ATAT1: variants seen among roughly 807,000 people sequenced by gnomAD.
The protein encoded by ATAT1 is alpha tubulin acetyltransferase 1.
In ATAT1, 42 loss-of-function variants were observed where a neutral mutation model predicts 57.2. That is an observed-to-expected ratio of 0.73 (90% confidence interval 0.57 to 0.95). The LOEUF (loss-of-function observed/expected upper bound fraction) is 0.95, where lower values mean the gene tolerates loss of function less well. Ranked by LOEUF, ATAT1 falls within the 40% of genes least tolerant of loss-of-function variation. The probability of loss-of-function intolerance (pLI) is 0.00; values close to 1 mark genes in which losing one functional copy is unlikely to be tolerated. For synonymous variants in ATAT1, 168 were observed against 187.1 expected, an observed-to-expected ratio of 0.90 and a Z score of 0.83; for missense variants, 454 against 523.7, an observed-to-expected ratio of 0.87 and a Z score of 1.30.
Position 30,642,833 on chromosome 6 carries a change from G to GGGGGGCCGGCC in ATAT1, c.754_755insGGGGGCCGGCC (p.Ala252GlyfsTer71). The GGGGGGCCGGCC allele has an allele frequency of 6.5e-7, 1 of 1,537,878 alleles. No individual in the cohort carries two copies. The highest frequency in any genetic ancestry group is 8.7e-7 in the Non-Finnish European group (1 of 1,145,784). On this transcript the variant is annotated frameshift_variant, in exon 10 of 13. Transcript: ENST00000330083. LOFTEE classifies it high-confidence loss of function. ...GGCCCCTCGCCGCGCCACACCTCCA[G>GGGGGGCCGGCC]CCCACCCACCCCCCCGCTCCAGCAG...
chr6:30,628,346 G>A lies in ATAT1; in HGVS notation c.417G>A (p.Pro139=), dbSNP rs139657037. Residue 139 remains proline, a synonymous_variant, in exon 6 of 13, where the codon CCG becomes CCA. Transcript: ENST00000330083. ...CCCTGCAGAAGGAGCGAGTGGAACC[G>A]CACCAACTGGCAATTGACCGACCCT... 5.4e-4 allele frequency: 866 copies of A among 1,612,922 alleles called. 2 individuals are homozygous for A. Among genetic ancestry groups the A allele is most frequent in the Middle Eastern group, 2.5e-3 (15 of 6,062 alleles).
chr6:30,640,666 C>A, intron 8 of ATAT1, 63 bp downstream of exon 8: 1 of 1,576,028 alleles, frequency 6.3e-7, no homozygotes, highest in Non-Finnish European at 8.7e-7. Flanking sequence ...CTAGATGCCA[C>A]GGGGTACAGT....
intron 8 of ATAT1, chr6:30,641,739 T>A: frequency 1.0e-6 from 1 of 989,566 alleles, no homozygotes; most frequent in Non-Finnish European, 1.2e-6. Context: ...TCCCCTGACC[T>A]CTCCAGAGCA....
rs369632940 is a variant in ATAT1 at position 30,642,210 on chromosome 6, G to A, written c.651G>A (p.Glu217=). The A allele has an allele frequency of 1.5e-5, 24 of 1,614,188 alleles. No individual in the cohort carries two copies. The highest frequency in any genetic ancestry group is 3.3e-5 in the Admixed American group (2 of 60,016). The change falls in exon 9 of 13, where the codon GAG becomes GAA. Residue 217 remains glutamate, a synonymous_variant. Transcript: ENST00000330083. The stretch of plus-strand genomic sequence containing the variant: ...GGAAGCTGCCACCCAAGAGAGCAGA[G>A]GGAGACATCAAGCCATACTCCTCTA...
At chr6:30,628,576 C>T (rs1232194679) in intron 6 of ATAT1, 146 bp downstream of exon 6, 2 of 702,188 alleles carry the variant, frequency 2.8e-6, no homozygotes, top group South Asian at 3.9e-5. Flanking sequence ...GGTACCATCT[C>T]TCATCCTGTA....
At position 30,646,461 on chromosome 6, in the gene ATAT1, C is replaced by A. The variant is rs1178127504; in HGVS notation, c.1056-8C>A. On this transcript the variant is annotated splice_region_variant and splice_polypyrimidine_tract_variant and intron_variant, in intron 12 of 12. Transcript: ENST00000330083. ...CTATAACCCACTCTCCATCTCCCCA[C>A]CTACCAGGTCTGCCAGTGAGGAGCA... The A allele has an allele frequency of 1.3e-6, 2 of 1,564,726 alleles. No individual in the cohort carries two copies. The highest frequency in any genetic ancestry group is 1.7e-6 in the Non-Finnish European group (2 of 1,153,340).
chr6:30,629,662 A>T (rs918052760), intron 6 of ATAT1, among the ~76,000 whole-genome samples: 2 of 152,160 alleles, frequency 1.3e-5, no homozygotes, highest in African/African-American at 4.8e-5. Context: ...CTCCTGCCTC[A>T]GCCTCCCGAG....
chr6:30,634,679 A>C (rs1286904488), intron 6 of ATAT1, among the ~76,000 whole-genome samples: 5 of 150,956 alleles, frequency 3.3e-5, no homozygotes, highest in African/African-American at 9.7e-5. Flanking sequence ...AAAAAAAAAA[A>C]AAAACCTTGT....
chr6:30,626,913 C>A lies in ATAT1; in HGVS notation c.-291C>A, dbSNP rs780031137. ...GGAGTTCCCGTTCGATGTGGACGCG[C>A]TGTTCCCGGAGCGGATCACGGTGCT... On this transcript the variant is annotated 5_prime_UTR_variant, in exon 1 of 13. Transcript: ENST00000330083. 3.1e-6 allele frequency: 5 copies of A among 1,609,238 alleles called. No homozygotes were observed. The highest frequency in any genetic ancestry group is 4.2e-6 in the Non-Finnish European group (5 of 1,178,562).
Position 30,640,385 on chromosome 6 carries a change from CT to C in ATAT1, c.513del (p.Phe171LeufsTer2). On this transcript the variant is annotated frameshift_variant, in exon 7 of 13. Coordinates refer to ENST00000330083, the MANE Select transcript of ATAT1 (RefSeq NM_001031722.4). LOFTEE classifies it high-confidence loss of function. Reference sequence around the variant, plus strand: ...TTTGTTTCATCTTCCAGGTGAACAACTTTGTGATCTTTGAAGGCTTCTTTGC... The same window carrying C: ...TTTGTTTCATCTTCCAGGTGAACAACTTGTGATCTTTGAAGGCTTCTTTGC... The C allele has an allele frequency of 6.2e-7, 1 of 1,613,024 alleles. No individual in the cohort carries two copies. The highest frequency in any genetic ancestry group is 8.5e-7 in the Non-Finnish European group (1 of 1,180,032).
chr6:30,629,580 T>C (rs1394300877), intron 6 of ATAT1, among the ~76,000 whole-genome samples: 1 of 147,044 alleles, frequency 6.8e-6, no homozygotes, highest in Admixed American at 6.7e-5. Flanking sequence ...AGAGTCGCTC[T>C]GTCACCCAGG....
Position 30,642,833 on chromosome 6 carries a change from G to GGGGGGGGGGGCCCCCCCCCCCCCCCCC in ATAT1, c.754_755insGGGGGGGGGGCCCCCCCCCCCCCCCCC (p.Ala252delinsGlyGlyGlyGlyProProProProProPro). ...GGCCCCTCGCCGCGCCACACCTCCA[G>GGGGGGGGGGGCCCCCCCCCCCCCCCCC]CCCACCCACCCCCCCGCTCCAGCAG... On this transcript the variant is annotated protein_altering_variant, in exon 10 of 13. Coordinates refer to ENST00000330083, the MANE Select transcript of ATAT1 (RefSeq NM_001031722.4). 2.0e-6 allele frequency: 3 copies of GGGGGGGGGGGCCCCCCCCCCCCCCCCC among 1,537,870 alleles called. No homozygotes were observed. The highest frequency in any genetic ancestry group is 2.6e-6 in the Non-Finnish European group (3 of 1,145,776).
At position 30,642,837 on chromosome 6, in the gene ATAT1, A is replaced by AACCCCCCC; in HGVS notation, c.758_759insACCCCCCC (p.His253GlnfsTer69). 3.1e-6 allele frequency: 1 copy of AACCCCCCC among 320,344 alleles called. No homozygotes were observed. The highest frequency in any genetic ancestry group is 5.2e-6 in the Non-Finnish European group (1 of 191,752). 19.8% of individuals were successfully genotyped at this position (320,344 alleles called of 1,614,324 possible). On this transcript the variant is annotated frameshift_variant, in exon 10 of 13. Transcript: ENST00000330083. LOFTEE classifies it high-confidence loss of function. ...CCTCGCCGCGCCACACCTCCAGCCCACCCACCCCCCCGCTCCAGCAGCCTG... is the reference window on the plus strand; with the variant it reads ...CCTCGCCGCGCCACACCTCCAGCCCAACCCCCCCCCCACCCCCCCGCTCCAGCAGCCTG...
chr6:30,646,766 T>A lies in ATAT1; in HGVS notation c.*123T>A, dbSNP rs1330914560. ...TCATTCATTCAGCAGGCTTATCAGA[T>A]TCAAGTCATTTGTATCTTTTAACCA... On this transcript the variant is annotated 3_prime_UTR_variant, in exon 13 of 13. Transcript: ENST00000330083. 1 of 1,346,420 alleles carries A rather than the reference T, an allele frequency of 7.4e-7. No homozygotes were observed. The highest frequency in any genetic ancestry group is 9.8e-7 in the Non-Finnish European group (1 of 1,021,472). 83.4% of individuals were successfully genotyped at this position (1,346,420 alleles called of 1,614,324 possible). A position where few individuals can be genotyped will look rare whatever the true frequency, so the allele number is the denominator to read the frequency against.
At chr6:30,628,308 T>C (rs776500496) in intron 5 of ATAT1, 21 bp from the exon 6 acceptor site, 2 of 1,608,406 alleles carry the variant, frequency 1.2e-6, no homozygotes, top group Non-Finnish European at 1.7e-6. Flanking sequence ...CCTCCTACCC[T>C]GAGTCTCCTT....
chr6:30,642,833 G>GCCA lies in ATAT1; in HGVS notation c.756_757insACC (p.Ala252_His253insThr). On this transcript the variant is annotated inframe_insertion, in exon 10 of 13. Transcript: ENST00000330083. ...GGCCCCTCGCCGCGCCACACCTCCA[G>GCCA]CCCACCCACCCCCCCGCTCCAGCAG... The GCCA allele has an allele frequency of 2.0e-6, 3 of 1,537,878 alleles. No homozygotes were observed. Among genetic ancestry groups the GCCA allele is most frequent in the South Asian group, 1.2e-5 (1 of 86,358 alleles).
Position 30,646,112 on chromosome 6 carries a change from G to T in ATAT1, c.1055+3G>T, listed in dbSNP as rs1766679847. ...GGAGAACAGGAAACAAAGAATAGGT[G>T]AGGTCTAAACCCCTCCCCTAACAGC... On this transcript the variant is annotated splice_donor_region_variant and intron_variant, in intron 12 of 12. Transcript: ENST00000330083. 6.2e-7 allele frequency: 1 copy of T among 1,607,758 alleles called. No individual in the cohort carries two copies. The highest frequency in any genetic ancestry group is 8.5e-7 in the Non-Finnish European group (1 of 1,177,014).
chr6:30,642,833 G>GGGCCCCC lies in ATAT1; in HGVS notation c.754_755insGGCCCCC (p.Ala252GlyfsTer50). The GGGCCCCC allele has an allele frequency of 3.3e-6, 5 of 1,537,858 alleles. No homozygotes were observed. The highest frequency in any genetic ancestry group is 2.4e-5 in the East Asian group (1 of 42,458). On this transcript the variant is annotated frameshift_variant, in exon 10 of 13. Coordinates refer to ENST00000330083, the MANE Select transcript of ATAT1 (RefSeq NM_001031722.4). LOFTEE classifies it high-confidence loss of function. ...GGCCCCTCGCCGCGCCACACCTCCAGCCCACCCACCCCCCCGCTCCAGCAG... is the reference window on the plus strand; with the variant it reads ...GGCCCCTCGCCGCGCCACACCTCCAGGGCCCCCCCCACCCACCCCCCCGCTCCAGCAG...
intron 6 of ATAT1, among the ~76,000 whole-genome samples, chr6:30,639,680 TG>T (rs1319653670): frequency 1.6e-4 from 24 of 151,910 alleles, no homozygotes; most frequent in Admixed American, 1.1e-3. Context: ...GGTTTCACCA[TG>T]TTAGCCAGGA....
Sources: allele counts gnomAD v4.1 joint callset (sites outside exome capture counted in the v4.1 genomes callset), GRCh38; gene constraint gnomAD v4.1.1; transcripts MANE v1.5; gene names NCBI Gene and HGNC (gene_info 2026-07-23, HGNC 2026-07-21).